The following CCN4 variants were observed in gnomAD, a reference collection of about 807,000 sequenced individuals.
CCN4 encodes the protein cellular communication network factor 4, also known as CCN family member 4.
A neutral mutation model predicts 36.7 loss-of-function variants in CCN4; 30 were observed. That is an observed-to-expected ratio of 0.82 (90% CI 0.61 to 1.11). CCN4 has a LOEUF of 1.11. Ranked by LOEUF, CCN4 falls within the 50% of genes least tolerant of loss-of-function variation. CCN4 has a pLI of 0.00. For synonymous variants in CCN4, 191 were observed against 195.4 expected, an observed-to-expected ratio of 0.98 and a Z score of 0.19; for missense variants, 505 against 504.9, an observed-to-expected ratio of 1.00 and a Z score of 0.00.
intron 1 of CCN4, among the ~76,000 whole-genome samples, chr8:133,209,991 T>A (rs1853941850): frequency 6.6e-6 from 1 of 152,212 alleles, no homozygotes; most frequent in African/African-American, 2.4e-5. Context: ...GGTTGCATGT[T>A]CTTTTCTTGA....
At chr8:133,194,828 CG>C (rs1853306600) in intron 1 of CCN4, among the ~76,000 whole-genome samples, 1 of 66,662 alleles carries the variant, frequency 1.5e-5, no homozygotes, top group African/African-American at 5.9e-5. Flanking sequence ...GTGTGTGGTA[CG>C]TGTGTGTGTG....
chr8:133,193,260 T>C (rs1853180710), intron 1 of CCN4, among the ~76,000 whole-genome samples: 1 of 152,250 alleles, frequency 6.6e-6, no homozygotes, highest in Non-Finnish European at 1.5e-5. Context: ...AATGTTCATA[T>C]TGAAGAAAAT....
At chr8:133,205,650 AG>A (rs766020837) in intron 1 of CCN4, among the ~76,000 whole-genome samples, 22 of 152,176 alleles carry the variant, frequency 1.4e-4, no homozygotes, top group Non-Finnish European at 2.6e-4. Flanking sequence ...TGGGGAAAAC[AG>A]GAATAGCTTC....
Position 133,225,428 on chromosome 8 carries a change from A to C in CCN4, c.649A>C (p.Ile217Leu). 1 of 1,613,298 alleles carries C rather than the reference A, an allele frequency of 6.2e-7. No individual in the cohort carries two copies. Among genetic ancestry groups the C allele is most frequent in the South Asian group, 1.1e-5 (1 of 90,928 alleles). ...GGTGGAGGCATGGCACAGGAACTGC[A>C]TAGCCTACACAAGCCCCTGGAGCCC... ...GEVEAWHRNC[I>L]AYTSPWSPCS... Residue 217 changes from isoleucine to leucine, a missense_variant, in exon 4 of 5, where the codon ATA becomes CTA. Coordinates refer to ENST00000250160, the MANE Select transcript of CCN4 (RefSeq NM_003882.4).
At chr8:133,220,910 G>T in intron 3 of CCN4, 69 bp downstream of exon 3, 1 of 1,521,580 alleles carries the variant, frequency 6.6e-7, no homozygotes, top group South Asian at 1.3e-5. Flanking sequence ...CTGGAACTCT[G>T]ACCACCATAG....
intron 1 of CCN4, among the ~76,000 whole-genome samples, chr8:133,207,403 C>T (rs570111369): frequency 6.6e-6 from 1 of 152,360 alleles, no homozygotes; most frequent in South Asian, 2.1e-4. Context: ...CAAAGCCTCT[C>T]CTTGAGCTCC....
chr8:133,205,886 A>C (rs968653187), intron 1 of CCN4, among the ~76,000 whole-genome samples: 1 of 152,060 alleles, frequency 6.6e-6, no homozygotes, highest in African/African-American at 2.4e-5. Context: ...TCTCTCCCAA[A>C]CCCAGGCAAG....
chr8:133,212,460 A>G (rs561221859), intron 1 of CCN4, among the ~76,000 whole-genome samples: 1 of 152,262 alleles, frequency 6.6e-6, no homozygotes, highest in South Asian at 2.1e-4. Context: ...CAGAAGAGCC[A>G]TGGGATCCGA....
chr8:133,205,517 C>T (rs1327232291), intron 1 of CCN4, among the ~76,000 whole-genome samples: 1 of 152,150 alleles, frequency 6.6e-6, no homozygotes, highest in East Asian at 1.9e-4. Context: ...AGATCATTTT[C>T]TCCATCTGCA....
Position 133,212,866 on chromosome 8 carries a change from C to G in CCN4, c.72C>G (p.Ala24=), listed in dbSNP as rs778859277. The G allele has an allele frequency of 6.3e-7, 1 of 1,577,586 alleles. No homozygotes were observed. Among genetic ancestry groups the G allele is most frequent in the Non-Finnish European group, 8.7e-7 (1 of 1,153,802 alleles). The change falls in exon 2 of 5, where the codon GCC becomes GCG. Residue 24 remains alanine (A), a splice_region_variant and synonymous_variant. Transcript: ENST00000250160. ...TTCCCTCTGCCCTCCCCCCGCAGGCCCTCTCTCCAGCCCCTACGACCATGG... is the reference window on the plus strand; with the variant it reads ...TTCCCTCTGCCCTCCCCCCGCAGGCGCTCTCTCCAGCCCCTACGACCATGG... ...AAAASTVLAT[A]LSPAPTTMDF... is the part of the protein sequence containing the mutation.
chr8:133,191,478 C>G (rs1240238881), intron 1 of CCN4, among the ~76,000 whole-genome samples: 1 of 152,150 alleles, frequency 6.6e-6, no homozygotes, highest in Non-Finnish European at 1.5e-5. Flanking sequence ...TGAAACAGTG[C>G]AGAAAGAACG....
Position 133,231,504 on chromosome 8 carries a change from C to G in CCN4, c.*3794C>G, listed in dbSNP as rs549943914. The G allele has an allele frequency of 6.6e-6, 1 of 152,136 alleles. No homozygotes were observed. Among genetic ancestry groups the G allele is most frequent in the Non-Finnish European group, 1.5e-5 (1 of 68,028 alleles). 9.4% of individuals were successfully genotyped at this position (152,136 alleles called of 1,614,324 possible). ...CTCATTTTTCTCATGATTTGTGTAGCGTGGAATGTGTTTGCTCAATGTGAA... is the reference window on the plus strand; with the variant it reads ...CTCATTTTTCTCATGATTTGTGTAGGGTGGAATGTGTTTGCTCAATGTGAA... On this transcript the variant is annotated 3_prime_UTR_variant, in exon 5 of 5. Transcript: ENST00000250160.
intron 3 of CCN4, among the ~76,000 whole-genome samples, chr8:133,221,860 G>C (rs1397793978): frequency 6.6e-6 from 1 of 151,624 alleles, no homozygotes; most frequent in Non-Finnish European, 1.5e-5. Context: ...TGGATGATTG[G>C]ATGGATAGAT....
intron 2 of CCN4, among the ~76,000 whole-genome samples, chr8:133,219,632 GTTT>G (rs1187643900): frequency 2.0e-5 from 3 of 152,158 alleles, no homozygotes; most frequent in African/African-American, 7.2e-5. Flanking sequence ...ACAGCATTGT[GTTT>G]TTTTAGGAGT....
intron 1 of CCN4, among the ~76,000 whole-genome samples, chr8:133,206,310 G>A (rs1440519865): frequency 6.6e-6 from 1 of 152,220 alleles, no homozygotes; most frequent in African/African-American, 2.4e-5. Context: ...TGGGTGCACT[G>A]AGGAGGTCCC....
chr8:133,212,794 T>C, intron 1 of CCN4, 70 bp from the exon 2 acceptor site: 1 of 1,234,866 alleles, frequency 8.1e-7, no homozygotes, highest in East Asian at 2.6e-5. Flanking sequence ...AGGAATGCAA[T>C]GGCAGGGCCC....
rs867855483 is a variant in CCN4, at chr8:133,213,923, T to A, written c.349+780T>A. ...TACTATACACTATATATAGTAGTTA[T>A]ATATACTATATATACACTATATATA... On this transcript the variant is annotated intron_variant, in intron 2 of 4. Coordinates refer to ENST00000250160, the MANE Select transcript of CCN4 (RefSeq NM_003882.4). Among the ~76,000 whole-genome samples the A allele has an allele frequency of 5.7e-3, 743 of 130,502 alleles. 21 individuals are homozygous for A. The highest frequency in any genetic ancestry group is 0.017 in the East Asian group (49 of 2,966). 85.6% of individuals were successfully genotyped at this position (130,502 alleles called of 152,430 possible).
At chr8:133,199,369 T>C (rs1853503530) in intron 1 of CCN4, among the ~76,000 whole-genome samples, 1 of 152,162 alleles carries the variant, frequency 6.6e-6, no homozygotes, top group African/African-American at 2.4e-5. Flanking sequence ...AAGAGCCAGC[T>C]CCACCACATC....
intron 1 of CCN4, among the ~76,000 whole-genome samples, chr8:133,198,645 T>C (rs1022224478): frequency 2.0e-5 from 3 of 152,258 alleles, no homozygotes; most frequent in Non-Finnish European, 2.9e-5. Flanking sequence ...TGAAGCCATC[T>C]GAACTGGTGG....
Sources: allele counts gnomAD v4.1 joint callset (sites outside exome capture counted in the v4.1 genomes callset), GRCh38; gene constraint gnomAD v4.1.1; transcripts MANE v1.5; gene names NCBI Gene and HGNC (gene_info 2026-07-23, HGNC 2026-07-21).